The following EXOG variants were observed in gnomAD, a reference collection of about 807,000 sequenced individuals.
The protein encoded by EXOG is nuclease EXOG, mitochondrial.
A neutral mutation model predicts 25.8 loss-of-function variants in EXOG; 27 were observed. That is an observed-to-expected ratio of 1.05 (90% CI 0.77 to 1.45). The LOEUF (loss-of-function observed/expected upper bound fraction) is 1.45, where lower values mean the gene tolerates loss of function less well. EXOG is among the 40% of genes most tolerant of loss of function. EXOG has a pLI of 0.00. For synonymous variants in EXOG, 133 were observed against 167.0 expected, an observed-to-expected ratio of 0.80 and a Z score of 1.57; for missense variants, 458 against 450.5, an observed-to-expected ratio of 1.02 and a Z score of -0.15.
At chr3:38,505,264 T>A (rs1234371880) in intron 4 of EXOG, among the ~76,000 whole-genome samples, 1 of 152,080 alleles carries the variant, frequency 6.6e-6, no homozygotes. Context: ...ATCTGTAGAT[T>A]TTCCTTTCTT....
At position 38,526,297 on chromosome 3, in the gene EXOG, A is replaced by T; in HGVS notation, c.*1935A>T. Reference sequence around the variant, plus strand: ...AAGGCTTTCAGATAAAGATAAGATGATAATGATTGACATTGTTCTGCTCTT... The same window carrying T: ...AAGGCTTTCAGATAAAGATAAGATGTTAATGATTGACATTGTTCTGCTCTT... On this transcript the variant is annotated 3_prime_UTR_variant, in exon 6 of 6. Transcript: ENST00000287675. 1.0e-6 allele frequency: 1 copy of T among 962,358 alleles called. No individual in the cohort carries two copies. The highest frequency in any genetic ancestry group is 1.2e-6 in the Non-Finnish European group (1 of 809,256). The allele number at this position is 962,358 out of a possible 1,614,324, so 59.6% of individuals were successfully genotyped here. A position where few individuals can be genotyped will look rare whatever the true frequency, so the allele number is the denominator to read the frequency against.
At chr3:38,503,327 T>G (rs2060102733) in intron 3 of EXOG, among the ~76,000 whole-genome samples, 1 of 152,224 alleles carries the variant, frequency 6.6e-6, no homozygotes, top group South Asian at 2.1e-4. Context: ...GAATTTGCCC[T>G]TAAGCTTTGT....
In EXOG at chr3:38,526,084, G is replaced by A. The variant is rs2060862735; in HGVS notation, c.*1722G>A. 1.0e-6 allele frequency: 1 copy of A among 985,314 alleles called. No homozygotes were observed. The highest frequency in any genetic ancestry group is 1.7e-5 in the African/African-American group (1 of 57,238). 61.0% of individuals were successfully genotyped at this position (985,314 alleles called of 1,614,324 possible). A position where few individuals can be genotyped will look rare whatever the true frequency, so the allele number is the denominator to read the frequency against. On this transcript the variant is annotated 3_prime_UTR_variant, in exon 6 of 6. Transcript: ENST00000287675. ...AGCATTCCTAGGGGAAATTGTGGCT[G>A]TTTTTCTGAGCCAGATCTCTTGATT...
intron 4 of EXOG, chr3:38,505,463 A>G (rs978281474): frequency 2.0e-5 from 3 of 152,234 alleles, no homozygotes; most frequent in Non-Finnish European, 4.4e-5. Flanking sequence ...CCTATTAAAA[A>G]TAATTTAAAA....
intron 5 of EXOG, among the ~76,000 whole-genome samples, chr3:38,518,344 G>A (rs143869146): frequency 6.6e-6 from 1 of 152,280 alleles, no homozygotes; most frequent in African/African-American, 2.4e-5. Context: ...AGCAAGCAGG[G>A]CCTTTGAAAA....
chr3:38,516,465 A>G (rs537580957), intron 5 of EXOG, among the ~76,000 whole-genome samples: 1 of 152,342 alleles, frequency 6.6e-6, no homozygotes, highest in Non-Finnish European at 1.5e-5. Flanking sequence ...CTGGTTGTTA[A>G]CATTTTGCCA....
intron 5 of EXOG, among the ~76,000 whole-genome samples, chr3:38,518,333 T>A (rs1328670149): frequency 6.6e-6 from 1 of 152,222 alleles, no homozygotes; most frequent in Non-Finnish European, 1.5e-5. Flanking sequence ...GATAATTTTC[T>A]AGCAAGCAGG....
At chr3:38,504,646 G>A (rs1261387033) in intron 4 of EXOG, among the ~76,000 whole-genome samples, 1 of 152,054 alleles carries the variant, frequency 6.6e-6, no homozygotes, top group Non-Finnish European at 1.5e-5. Flanking sequence ...ATGTTGGCCA[G>A]GCTAGTCTTG....
chr3:38,503,579 AT>A (rs778710636), intron 3 of EXOG, 35 bp from the exon 4 acceptor site: 1 of 1,157,296 alleles, frequency 8.6e-7, no homozygotes, highest in Admixed American at 1.8e-5. Context: ...AGGGGAAAGC[AT>A]TTCAGTGCAA....
In EXOG at chr3:38,522,059, G is replaced by A. The variant is rs544843388; in HGVS notation, c.646-1842G>A. On this transcript the variant is annotated intron_variant, in intron 5 of 5. Coordinates refer to ENST00000287675, the MANE Select transcript of EXOG (RefSeq NM_005107.4). ...GGGGTGAAATGGGGATTTTATGTTT[G>A]TAGTACATAGTTTCATAGACTTTAC... 6.6e-5 allele frequency among the ~76,000 whole-genome samples: 10 copies of A among 152,312 alleles called. No homozygotes were observed. The East Asian group carries it at 1.9e-3, about 29-fold the overall frequency.
Position 38,525,405 on chromosome 3 carries a change from G to A in EXOG, c.*1043G>A, listed in dbSNP as rs572164945. The A allele has an allele frequency of 2.4e-4, 239 of 985,416 alleles. 1 individual carries two copies. In the African/African-American group the frequency reaches 4.0e-3, roughly 17 times the overall value. The allele number at this position is 985,416 out of a possible 1,614,324, so 61.0% of individuals were successfully genotyped here. On this transcript the variant is annotated 3_prime_UTR_variant, in exon 6 of 6. Coordinates refer to ENST00000287675, the MANE Select transcript of EXOG (RefSeq NM_005107.4). ...GGGCCTGAGGCATGCTTGGCAAGAA[G>A]AGTCTGGTTTCTCGTCTGCTATGCA...
At chr3:38,519,066 G>A (rs1375448542) in intron 5 of EXOG, among the ~76,000 whole-genome samples, 4 of 152,174 alleles carry the variant, frequency 2.6e-5, no homozygotes, top group African/African-American at 4.8e-5. Flanking sequence ...TTGCTAGCAT[G>A]CAAAAATAAC....
intron 5 of EXOG, among the ~76,000 whole-genome samples, chr3:38,521,208 T>C (rs1277330892): frequency 1.3e-5 from 2 of 152,230 alleles, no homozygotes; most frequent in Non-Finnish European, 2.9e-5. Context: ...TCCTTAGTTC[T>C]AGGGATAGTA....
intron 3 of EXOG, among the ~76,000 whole-genome samples, chr3:38,503,028 A>G (rs138431241): frequency 3.3e-5 from 5 of 152,330 alleles, no homozygotes; most frequent in African/African-American, 1.2e-4. Flanking sequence ...ATATTTTTAA[A>G]GCTCCCTAGA....
At chr3:38,523,064 G>A in intron 5 of EXOG, 1 of 447,710 alleles carries the variant, frequency 2.2e-6, no homozygotes, top group East Asian at 7.1e-5. Context: ...CCTAATTGAA[G>A]TGATCCTGGA....
At chr3:38,516,120 G>A (rs1255846900) in intron 5 of EXOG, among the ~76,000 whole-genome samples, 1 of 151,960 alleles carries the variant, frequency 6.6e-6, no homozygotes, top group African/African-American at 2.4e-5. Flanking sequence ...CAGTAATGCA[G>A]TACTCTGTCA....
At chr3:38,514,640 C>T (rs1186130617) in intron 5 of EXOG, among the ~76,000 whole-genome samples, 1 of 152,050 alleles carries the variant, frequency 6.6e-6, no homozygotes, top group African/African-American at 2.4e-5. Context: ...TCCCAGTAAG[C>T]TTTTTTAGTT....
intron 5 of EXOG, among the ~76,000 whole-genome samples, chr3:38,513,552 A>G (rs190463937): frequency 1.5e-5 from 1 of 67,254 alleles, no homozygotes; most frequent in Non-Finnish European, 2.4e-5. Flanking sequence ...TGCTCTTTTT[A>G]AAAATACTTT....
At chr3:38,496,652 C>G in intron 1 of EXOG, 122 bp downstream of exon 1, 9 of 1,469,988 alleles carry the variant, frequency 6.1e-6, no homozygotes, top group Non-Finnish European at 8.1e-6. Context: ...CTAGCCTGGC[C>G]CTTGGTTTCT....
Sources: gnomAD v4.1 joint callset for allele counts (sites outside exome capture counted in the v4.1 genomes callset) on GRCh38, gnomAD v4.1.1 for gene constraint, MANE v1.5 for transcripts, NCBI Gene and HGNC (gene_info 2026-07-23, HGNC 2026-07-21) for gene names.